The following AKT3 variants were observed in gnomAD, a reference collection of about 807,000 sequenced individuals.
AKT3 encodes the protein RAC-gamma serine/threonine-protein kinase.
A neutral mutation model predicts 65.3 loss-of-function variants in AKT3; 15 were observed. That is an observed-to-expected ratio of 0.23 (90% CI 0.15 to 0.35). AKT3 has a LOEUF of 0.35. Among genes scored for constraint, AKT3 ranks in the 10% least tolerant of loss-of-function variants. The pLI, the probability that AKT3 is intolerant of heterozygous loss-of-function variation, is 1.00. For synonymous variants in AKT3, 206 were observed against 183.8 expected, an observed-to-expected ratio of 1.12 and a Z score of -0.98; for missense variants, 243 against 576.5, an observed-to-expected ratio of 0.42 and a Z score of 5.92.
chr1:243,721,428 A>AC (rs1686898861), intron 2 of AKT3, among the ~76,000 whole-genome samples: 1 of 152,046 alleles, frequency 6.6e-6, no homozygotes, highest in Non-Finnish European at 1.5e-5. Context: ...TTTTCACTGA[A>AC]CCTAAGCACT....
chr1:243,715,210 G>C (rs1008505413), intron 2 of AKT3, among the ~76,000 whole-genome samples: 1 of 152,000 alleles, frequency 6.6e-6, no homozygotes, highest in Non-Finnish European at 1.5e-5. Flanking sequence ...CATTAAGAAG[G>C]AATGGCTTCA....
chr1:243,719,084 A>G (rs1686707405), intron 2 of AKT3, among the ~76,000 whole-genome samples: 1 of 152,218 alleles, frequency 6.6e-6, no homozygotes, highest in Non-Finnish European at 1.5e-5. Flanking sequence ...TAAGGTATGC[A>G]GTTCTATTCA....
chr1:243,804,846 C>CAA (rs796068774), intron 2 of AKT3, among the ~76,000 whole-genome samples: 4 of 111,792 alleles, frequency 3.6e-5, no homozygotes, highest in South Asian at 2.7e-4. Context: ...GACTCCATCT[C>CAA]AAAAAAAAAA....
intron 13 of AKT3, among the ~76,000 whole-genome samples, chr1:243,510,732 G>C (rs1345902477): frequency 6.6e-6 from 1 of 152,256 alleles, no homozygotes; most frequent in Non-Finnish European, 1.5e-5. Context: ...GCCCAGATCA[G>C]TCAGTGCTGT....
At chr1:243,599,878 CTG>C (rs1676887630) in intron 8 of AKT3, among the ~76,000 whole-genome samples, 1 of 152,050 alleles carries the variant, frequency 6.6e-6, no homozygotes, top group African/African-American at 2.4e-5. Flanking sequence ...AGCAGTAAAA[CTG>C]TCTTTGTTCT....
chr1:243,664,877 T>A lies in AKT3; in HGVS notation c.179A>T (p.Gln60Leu). Reference sequence around the variant, plus strand: ...CTTTGGTCGTTCTGTTTTCATTAACTGGCATTCTAAGAATAAAATAAAATG... The same window carrying A: ...CTTTGGTCGTTCTGTTTTCATTAACAGGCATTCTAAGAATAAAATAAAATG... ...PLNNFSVAKC[Q>L]LMKTERPKPN... Residue 60 changes from glutamine (Q) to leucine (L), a missense_variant, in exon 4 of 14, where the codon CAG (glutamine) becomes CTG (leucine). Transcript: ENST00000673466. 1 of 1,531,810 alleles carries A rather than the reference T, an allele frequency of 6.5e-7. No individual in the cohort carries two copies. Among genetic ancestry groups the A allele is most frequent in the Non-Finnish European group, 8.8e-7 (1 of 1,133,130 alleles). 94.9% of individuals were successfully genotyped at this position (1,531,810 alleles called of 1,614,324 possible).
chr1:243,828,978 G>T (rs1001776000), intron 2 of AKT3, among the ~76,000 whole-genome samples: 3 of 152,152 alleles, frequency 2.0e-5, no homozygotes, highest in African/African-American at 7.2e-5. Flanking sequence ...AGTGATTACG[G>T]TATCATTTAT....
intron 2 of AKT3, among the ~76,000 whole-genome samples, chr1:243,758,438 T>A (rs1408051834): frequency 6.6e-6 from 1 of 152,072 alleles, no homozygotes; most frequent in African/African-American, 2.4e-5. Context: ...GGAAAATGCC[T>A]GACATGTTCC....
chr1:243,607,654 C>T (rs1291724223), intron 8 of AKT3, among the ~76,000 whole-genome samples: 1 of 152,088 alleles, frequency 6.6e-6, no homozygotes, highest in Non-Finnish European at 1.5e-5. Flanking sequence ...TGAATTAAGA[C>T]TTTAAGGGAC....
chr1:243,494,733 A>G (rs894212959), downstream of AKT3, among the ~76,000 whole-genome samples: 4 of 152,238 alleles, frequency 2.6e-5, no homozygotes, highest in Non-Finnish European at 5.9e-5. Context: ...CATTCACTCT[A>G]CTTATTGCTT....
At chr1:243,771,707 A>C (rs1043175998) in intron 2 of AKT3, among the ~76,000 whole-genome samples, 1 of 146,624 alleles carries the variant, frequency 6.8e-6, no homozygotes, top group African/African-American at 2.4e-5. Context: ...AGGTTCAAGT[A>C]AGACTAATCA....
intron 2 of AKT3, among the ~76,000 whole-genome samples, chr1:243,713,660 C>G (rs943135462): frequency 2.7e-5 from 4 of 150,556 alleles, no homozygotes; most frequent in East Asian, 2.0e-4. Context: ...ATCCTACCCC[C>G]CTAAACAGAC....
intron 8 of AKT3, among the ~76,000 whole-genome samples, chr1:243,589,306 C>CAAAAAAAAAAAAAAAAAAA (rs758254217): frequency 2.9e-4 from 12 of 40,788 alleles, no homozygotes; most frequent in East Asian, 5.3e-4. Context: ...AACTCCATCT[C>CAAAAAAAAAAAAAAAAAAA]AAAAAAAAAA....
intron 12 of AKT3, among the ~76,000 whole-genome samples, chr1:243,524,355 T>C (rs1670912408): frequency 1.3e-5 from 2 of 152,084 alleles, no homozygotes; most frequent in South Asian, 2.1e-4. Flanking sequence ...GAACCATACA[T>C]ACCAGGCACC....
At chr1:243,615,371 T>G (rs1035897534) in intron 6 of AKT3, among the ~76,000 whole-genome samples, 5 of 152,270 alleles carry the variant, frequency 3.3e-5, no homozygotes, top group African/African-American at 9.6e-5. Context: ...TTGTATAAGT[T>G]CATATAAATT....
intron 3 of AKT3, among the ~76,000 whole-genome samples, chr1:243,693,139 T>A (rs1420712030): frequency 6.7e-6 from 1 of 149,878 alleles, no homozygotes; most frequent in African/African-American, 2.4e-5. Flanking sequence ...AAAAAGCCTA[T>A]TTTGGTAAAA....
intron 2 of AKT3, among the ~76,000 whole-genome samples, chr1:243,717,775 T>C (rs976560281): frequency 6.6e-6 from 1 of 152,160 alleles, no homozygotes; most frequent in Non-Finnish European, 1.5e-5. Context: ...TTCTAGTATA[T>C]TGGTGATTTT....
At chr1:243,657,564 A>G (rs1161288337) in intron 4 of AKT3, among the ~76,000 whole-genome samples, 1 of 152,216 alleles carries the variant, frequency 6.6e-6, no homozygotes, top group African/African-American at 2.4e-5. Context: ...TAAGATGTCA[A>G]CACCACAAAG....
chr1:243,616,563 C>T (rs1338571916), intron 6 of AKT3, among the ~76,000 whole-genome samples: 12 of 152,154 alleles, frequency 7.9e-5, no homozygotes, highest in Non-Finnish European at 5.9e-5. Flanking sequence ...ACGAACACAG[C>T]ATCTCTGTTC....
Sources: gnomAD v4.1 joint callset for allele counts (sites outside exome capture counted in the v4.1 genomes callset) on GRCh38, gnomAD v4.1.1 for gene constraint, MANE v1.5 for transcripts, NCBI Gene and HGNC (gene_info 2026-07-23, HGNC 2026-07-21) for gene names.